Variants in CDK12 observed in about 807,000 individuals in gnomAD.
The protein encoded by CDK12 is cyclin-dependent kinase 12.
CDK12 carries 17 observed loss-of-function variants against 133.8 expected under a neutral mutation model. The observed-to-expected ratio is 0.13, with a 90% CI of 0.09 to 0.19. The LOEUF (loss-of-function observed/expected upper bound fraction) is 0.19, where lower values mean the gene tolerates loss of function less well. Among genes scored for constraint, CDK12 ranks in the 10% least tolerant of loss-of-function variants. The pLI is 1.00. For synonymous variants in CDK12, 694 were observed against 683.6 expected, an observed-to-expected ratio of 1.02 and a Z score of -0.24; for missense variants, 1,508 against 1,818.7, an observed-to-expected ratio of 0.83 and a Z score of 3.11.
intron 4 of CDK12, among the ~76,000 whole-genome samples, chr17:39,493,239 G>A (rs931752433): frequency 1.4e-5 from 2 of 146,706 alleles, no homozygotes; most frequent in African/African-American, 2.5e-5. Flanking sequence ...CTGACCTCAA[G>A]CAATCTGCCC....
At chr17:39,467,665 G>T (rs1453773302) in intron 1 of CDK12, among the ~76,000 whole-genome samples, 1 of 152,132 alleles carries the variant, frequency 6.6e-6, no homozygotes, top group Non-Finnish European at 1.5e-5. Context: ...GTAGCTAGCT[G>T]GCATTAGTGT....
At chr17:39,547,452 G>A (rs776019165), upstream of CDK12, among the ~76,000 whole-genome samples, 10 of 152,134 alleles carry the variant, frequency 6.6e-5, no homozygotes, top group African/African-American at 9.7e-5. Flanking sequence ...GATCTTTTGA[G>A]CGAATGGTTT....
chr17:39,509,481 A>T (rs973379500), intron 6 of CDK12, among the ~76,000 whole-genome samples: 2 of 152,200 alleles, frequency 1.3e-5, no homozygotes, highest in Non-Finnish European at 2.9e-5. Flanking sequence ...GAAGTAGTCA[A>T]AAAAGGTTTA....
At chr17:39,480,908 T>A (rs2050590786) in intron 2 of CDK12, among the ~76,000 whole-genome samples, 1 of 152,174 alleles carries the variant, frequency 6.6e-6, no homozygotes, top group Non-Finnish European at 1.5e-5. Flanking sequence ...CCATAGCTAT[T>A]AATGGATATA....
chr17:39,565,234 C>T (rs145068032), downstream of CDK12, among the ~76,000 whole-genome samples: 287 of 152,302 alleles, frequency 1.9e-3, 2 homozygotes, highest in African/African-American at 6.6e-3. Context: ...CTGCCTCAGC[C>T]TCCTGAGTAG....
intron 2 of CDK12, among the ~76,000 whole-genome samples, chr17:39,472,799 G>C (rs534443966): frequency 6.6e-6 from 1 of 151,036 alleles, no homozygotes; most frequent in East Asian, 2.0e-4. Flanking sequence ...CTATCGGCCA[G>C]GCGCGGTGGC....
intron 2 of CDK12, among the ~76,000 whole-genome samples, chr17:39,486,684 G>A (rs573128264): frequency 2.0e-4 from 30 of 151,550 alleles, no homozygotes; most frequent in Non-Finnish European, 2.9e-4. Flanking sequence ...GTTTTTTTTC[G>A]CTGAACATCT....
At chr17:39,502,008 C>A (rs761207917) in intron 6 of CDK12, among the ~76,000 whole-genome samples, 7 of 151,494 alleles carry the variant, frequency 4.6e-5, no homozygotes, top group Non-Finnish European at 1.0e-4. Context: ...CCATGCTCTG[C>A]TAATTTTTGT....
At chr17:39,510,236 C>T (rs2053410612) in intron 7 of CDK12, among the ~76,000 whole-genome samples, 1 of 150,808 alleles carries the variant, frequency 6.6e-6, no homozygotes, top group Non-Finnish European at 1.5e-5. Context: ...TCTCCTGCCT[C>T]AGCCTCCCGA....
At chr17:39,511,365 TCTC>T (rs1436792379) in intron 7 of CDK12, among the ~76,000 whole-genome samples, 161 bp from the exon 8 acceptor site, 2 of 152,232 alleles carry the variant, frequency 1.3e-5, no homozygotes, top group Admixed American at 6.5e-5. Context: ...TATTTCTTCA[TCTC>T]CTACTTCTGA....
intron 1 of CDK12, among the ~76,000 whole-genome samples, chr17:39,470,539 T>C (rs535056019): frequency 6.6e-6 from 1 of 152,314 alleles, no homozygotes; most frequent in South Asian, 2.1e-4. Flanking sequence ...TCTCCTATTG[T>C]TAACATCTTA....
At chr17:39,518,994 TG>T (rs2053989767) in intron 10 of CDK12, among the ~76,000 whole-genome samples, 1 of 152,124 alleles carries the variant, frequency 6.6e-6, no homozygotes, top group East Asian at 1.9e-4. Flanking sequence ...CTCCGCCTCC[TG>T]GGTTTAAGTG....
chr17:39,479,420 ACAT>A (rs767787937), intron 2 of CDK12, among the ~76,000 whole-genome samples: 20 of 152,032 alleles, frequency 1.3e-4, no homozygotes, highest in South Asian at 1.2e-3. Context: ...TGTGACTTAC[ACAT>A]CATTTTTAGT....
At chr17:39,464,404 C>CTT (rs61135804) in intron 1 of CDK12, among the ~76,000 whole-genome samples, 13 of 136,516 alleles carry the variant, frequency 9.5e-5, no homozygotes, top group East Asian at 6.4e-4. Context: ...TTTTCTTTTT[C>CTT]TTTTTTTTTT....
intron 1 of CDK12, among the ~76,000 whole-genome samples, chr17:39,464,067 A>C (rs965736219): frequency 6.6e-6 from 1 of 152,154 alleles, no homozygotes; most frequent in Non-Finnish European, 1.5e-5. Context: ...AAATGGGAAT[A>C]ATAAATACCT....
chr17:39,461,667 G>A lies in CDK12; in HGVS notation c.-405G>A. The stretch of plus-strand genomic sequence containing the variant: ...GGAAGCCGTCCTGAACCGGGCTACC[G>A]GGTAGGGGAAGGGCCCGCGTAGTCC... On this transcript the variant is annotated 5_prime_UTR_variant, in exon 1 of 14. Coordinates refer to ENST00000447079, the MANE Select transcript of CDK12 (RefSeq NM_016507.4). The A allele has an allele frequency of 3.5e-6, 1 of 287,658 alleles. No homozygotes were observed. 17.8% of individuals were successfully genotyped at this position (287,658 alleles called of 1,614,324 possible).
chr17:39,479,276 C>T (rs2050448417), intron 2 of CDK12, among the ~76,000 whole-genome samples: 1 of 122,810 alleles, frequency 8.1e-6, no homozygotes, highest in African/African-American at 3.3e-5. Flanking sequence ...CCACTGCACT[C>T]GAGCCTGGGC....
At chr17:39,492,023 A>T (rs1332416086) in intron 3 of CDK12, among the ~76,000 whole-genome samples, 1 of 151,182 alleles carries the variant, frequency 6.6e-6, no homozygotes, top group Non-Finnish European at 1.5e-5. Context: ...TAAAAAAAAA[A>T]AAAAAAAAGA....
intron 3 of CDK12, among the ~76,000 whole-genome samples, chr17:39,558,288 G>C (rs977857356): frequency 6.6e-6 from 1 of 152,216 alleles, no homozygotes; most frequent in South Asian, 2.1e-4. Context: ...CTTGGCAACT[G>C]TTCTGCCTGG....
Sources: gnomAD v4.1 joint callset for allele counts (sites outside exome capture counted in the v4.1 genomes callset) on GRCh38, gnomAD v4.1.1 for gene constraint, MANE v1.5 for transcripts, NCBI Gene and HGNC (gene_info 2026-07-23, HGNC 2026-07-21) for gene names.